PTPRD: variants seen among roughly 807,000 people sequenced by gnomAD.
PTPRD encodes the protein receptor-type tyrosine-protein phosphatase delta.
PTPRD carries 34 observed loss-of-function variants against 214.5 expected under a neutral mutation model. The observed-to-expected ratio is 0.16, with a 90% confidence interval of 0.12 to 0.21. PTPRD has a LOEUF of 0.21. Among genes scored for constraint, PTPRD ranks in the 10% least tolerant of loss-of-function variants. PTPRD has a pLI of 1.00. For missense variants in PTPRD, 2,545 were observed against 2,398.7 expected (o/e 1.06, Z -1.27); for synonymous variants, 1,128 against 845.7 (o/e 1.33, Z -5.79).
At chr9:8,564,809 G>C (rs1175767616) in intron 14 of PTPRD, among the ~76,000 whole-genome samples, 4 of 152,140 alleles carry the variant, frequency 2.6e-5, no homozygotes, top group African/African-American at 9.7e-5. Flanking sequence ...AGGTATGGTG[G>C]GTTGGTGTGC....
intron 11 of PTPRD, among the ~76,000 whole-genome samples, chr9:8,768,724 A>C (rs1393222113): frequency 3.3e-5 from 5 of 152,188 alleles, no homozygotes; most frequent in African/African-American, 9.7e-5. Flanking sequence ...TCTAATAATG[A>C]TTCCATAAAG....
intron 3 of PTPRD, among the ~76,000 whole-genome samples, chr9:10,192,821 A>G (rs2099375152): frequency 6.6e-6 from 1 of 152,184 alleles, no homozygotes; most frequent in South Asian, 2.1e-4. Flanking sequence ...GGATTTCAGA[A>G]TCACAAGAGC....
At chr9:9,630,084 A>C (rs1488017086) in intron 7 of PTPRD, among the ~76,000 whole-genome samples, 33 of 152,214 alleles carry the variant, frequency 2.2e-4, no homozygotes, top group Admixed American at 2.2e-3. Context: ...GGACCACCAC[A>C]AGAAAAAGGA....
At chr9:10,610,509 G>GT (rs200395331) in intron 2 of PTPRD, among the ~76,000 whole-genome samples, 11,202 of 112,194 alleles carry the variant, frequency 0.1, 493 homozygotes, top group Middle Eastern at 0.19. Context: ...CAATAATTAA[G>GT]TTTTTTTTTT....
intron 12 of PTPRD, among the ~76,000 whole-genome samples, chr9:8,682,259 A>G (rs988136614): frequency 6.6e-6 from 1 of 152,216 alleles, no homozygotes; most frequent in Non-Finnish European, 1.5e-5. Flanking sequence ...TTATTTATTA[A>G]ACCTCTTCAA....
intron 12 of PTPRD, among the ~76,000 whole-genome samples, chr9:8,659,925 TAGAG>T (rs148879043): frequency 4.6e-5 from 7 of 150,592 alleles, no homozygotes; most frequent in Non-Finnish European, 1.0e-4. Context: ...AGAATAAATG[TAGAG>T]AGAGAGAGAG....
chr9:10,118,359 C>T (rs1041351700), intron 3 of PTPRD, among the ~76,000 whole-genome samples: 2 of 151,262 alleles, frequency 1.3e-5, no homozygotes, highest in Non-Finnish European at 3.0e-5. Context: ...TTTTGGCAAT[C>T]ATGCCAAAAG....
chr9:8,714,045 G>C (rs1464556317), intron 12 of PTPRD, among the ~76,000 whole-genome samples: 1 of 152,176 alleles, frequency 6.6e-6, no homozygotes, highest in Non-Finnish European at 1.5e-5. Flanking sequence ...ATCCTGGCAA[G>C]AAATTTACTA....
intron 5 of PTPRD, among the ~76,000 whole-genome samples, chr9:9,772,401 C>G (rs1047880614): frequency 6.6e-6 from 1 of 152,150 alleles, no homozygotes; most frequent in African/African-American, 2.4e-5. Flanking sequence ...CTGATAATTT[C>G]CAGTTAGAGT....
intron 9 of PTPRD, among the ~76,000 whole-genome samples, chr9:9,252,765 C>T (rs959570958): frequency 2.6e-5 from 4 of 152,040 alleles, no homozygotes; most frequent in African/African-American, 9.7e-5. Context: ...TTTTAAACAC[C>T]TCTTCTGGGT....
intron 7 of PTPRD, among the ~76,000 whole-genome samples, chr9:9,641,638 A>G (rs2095957923): frequency 6.6e-6 from 1 of 152,214 alleles, no homozygotes; most frequent in African/African-American, 2.4e-5. Flanking sequence ...AAAGCCCACC[A>G]ACAGTTTTGC....
chr9:10,222,367 T>A (rs938424798), intron 3 of PTPRD, among the ~76,000 whole-genome samples: 3 of 152,068 alleles, frequency 2.0e-5, no homozygotes, highest in Admixed American at 1.3e-4. Flanking sequence ...AATTGGCCAC[T>A]GTTTCTAAAA....
At chr9:9,193,947 C>G (rs1333462344) in intron 9 of PTPRD, among the ~76,000 whole-genome samples, 1 of 152,046 alleles carries the variant, frequency 6.6e-6, no homozygotes, top group African/African-American at 2.4e-5. Context: ...TTTTTTGGCT[C>G]TTCTGTAATA....
At chr9:10,166,729 G>T (rs942367222) in intron 3 of PTPRD, among the ~76,000 whole-genome samples, 1 of 151,990 alleles carries the variant, frequency 6.6e-6, no homozygotes, top group South Asian at 2.1e-4. Context: ...ACATTTTCAA[G>T]AAAGTCAGGA....
At chr9:9,605,980 A>G (rs1365891937) in intron 7 of PTPRD, among the ~76,000 whole-genome samples, 1 of 152,032 alleles carries the variant, frequency 6.6e-6, no homozygotes, top group African/African-American at 2.4e-5. Flanking sequence ...ACTCATGCTA[A>G]AAAGGAATCT....
chr9:10,454,574 A>C (rs2130975901), intron 2 of PTPRD, among the ~76,000 whole-genome samples: 1 of 151,788 alleles, frequency 6.6e-6, no homozygotes, highest in South Asian at 2.1e-4. Context: ...ACCATTACCT[A>C]GCAATCATTC....
At chr9:8,584,162 T>A (rs576780512) in intron 14 of PTPRD, among the ~76,000 whole-genome samples, 4 of 152,158 alleles carry the variant, frequency 2.6e-5, no homozygotes, top group South Asian at 2.1e-4. Flanking sequence ...TCAAAATTTT[T>A]AAAAAATTTT....
At chr9:10,531,015 T>A (rs113886553) in intron 2 of PTPRD, among the ~76,000 whole-genome samples, 2 of 152,008 alleles carry the variant, frequency 1.3e-5, no homozygotes, top group African/African-American at 4.8e-5. Flanking sequence ...CACTGTGCGA[T>A]TGTGGCTCAC....
chr9:8,528,438 A>C, intron 15 of PTPRD, 153 bp downstream of exon 15: 1 of 734,142 alleles, frequency 1.4e-6, no homozygotes. Flanking sequence ...TGACATCACA[A>C]ACATGGACCA....
Sources: gnomAD v4.1 joint callset for allele counts (sites outside exome capture counted in the v4.1 genomes callset) on GRCh38, gnomAD v4.1.1 for gene constraint, MANE v1.5 for transcripts, NCBI Gene and HGNC (gene_info 2026-07-23, HGNC 2026-07-21) for gene names.